CEMIP2: variants seen among roughly 807,000 people sequenced by gnomAD.
CEMIP2 encodes cell surface hyaluronidase CEMIP2.
Under a neutral mutation model 146.9 loss-of-function variants are expected in CEMIP2, and 79 were observed. The ratio of observed to expected loss-of-function variants is 0.54; its 90% CI spans 0.45 to 0.65. The LOEUF is 0.65. Ranked by LOEUF, CEMIP2 falls within the 30% of genes least tolerant of loss-of-function variation. CEMIP2 has a pLI of 0.00. For synonymous variants in CEMIP2, 601 were observed against 606.3 expected (o/e 0.99, Z 0.13); for missense variants, 1,596 against 1,696.2 (o/e 0.94, Z 1.04).
intron 20 of CEMIP2, among the ~76,000 whole-genome samples, chr9:71,694,873 CTTTATA>C (rs972460538): frequency 7.2e-5 from 11 of 152,164 alleles, no homozygotes; most frequent in African/African-American, 2.6e-4. Context: ...AATAAATGTG[CTTTATA>C]TTTATATTTA....
Position 71,683,378 on chromosome 9 carries a change from A to C in CEMIP2, c.*1819T>G, listed in dbSNP as rs1010410158. The C allele has an allele frequency of 6.6e-6, 1 of 152,296 alleles. No homozygotes were observed. The highest frequency in any genetic ancestry group is 6.6e-5 in the Admixed American group (1 of 15,202). 9.4% of individuals were successfully genotyped at this position (152,296 alleles called of 1,614,324 possible). Reference sequence around the variant, plus strand: ...ATACACACATATATAAAATACATGCACACATATTTTTATTTAACTTAGGCC... The same window carrying C: ...ATACACACATATATAAAATACATGCCCACATATTTTTATTTAACTTAGGCC... On this transcript the variant is annotated 3_prime_UTR_variant, in exon 24 of 24. Coordinates refer to ENST00000377044, the MANE Select transcript of CEMIP2 (RefSeq NM_013390.3).
intron 21 of CEMIP2, among the ~76,000 whole-genome samples, chr9:71,693,186 T>A (rs542095951): frequency 1.3e-5 from 2 of 152,370 alleles, no homozygotes; most frequent in South Asian, 4.1e-4. Context: ...TTTGTGATTA[T>A]GTTGCCCACC....
intron 17 of CEMIP2, 112 bp downstream of exon 17, chr9:71,709,147 A>T (rs996536324): frequency 4.2e-6 from 4 of 962,716 alleles, no homozygotes; most frequent in Middle Eastern, 2.6e-4. Flanking sequence ...AGGAAGATAG[A>T]TCATACTTTG....
intron 18 of CEMIP2, among the ~76,000 whole-genome samples, chr9:71,703,316 G>A (rs765271589): frequency 6.6e-6 from 1 of 152,204 alleles, no homozygotes; most frequent in Non-Finnish European, 1.5e-5. Flanking sequence ...GGGCTTGGTT[G>A]ACTGTGTGGG....
chr9:71,766,532 C>A (rs1450641186), intron 1 of CEMIP2, among the ~76,000 whole-genome samples: 1 of 152,178 alleles, frequency 6.6e-6, no homozygotes, highest in East Asian at 1.9e-4. Context: ...TTGAGGACAG[C>A]ATTGATTAGG....
At chr9:71,712,884 G>A (rs963672507) in intron 15 of CEMIP2, among the ~76,000 whole-genome samples, 4 of 152,032 alleles carry the variant, frequency 2.6e-5, no homozygotes, top group Non-Finnish European at 5.9e-5. Context: ...TTAATGTATA[G>A]GAACTGGTAA....
intron 12 of CEMIP2, among the ~76,000 whole-genome samples, chr9:71,721,342 CTTAAGT>C (rs1415271240): frequency 1.3e-5 from 2 of 151,904 alleles, no homozygotes; most frequent in Non-Finnish European, 2.9e-5. Flanking sequence ...CTTTTTTCTT[CTTAAGT>C]TTATCTCTTC....
chr9:71,743,172 G>A (rs1295397437), intron 4 of CEMIP2, among the ~76,000 whole-genome samples: 3 of 152,018 alleles, frequency 2.0e-5, no homozygotes, highest in South Asian at 4.2e-4. Flanking sequence ...TAACATTGTC[G>A]GCTTCCATTT....
chr9:71,769,378 A>G (rs747038646), upstream of CEMIP2, among the ~76,000 whole-genome samples: 1 of 152,226 alleles, frequency 6.6e-6, no homozygotes, highest in Non-Finnish European at 1.5e-5. Context: ...CTACCTGGCC[A>G]GGCGCGAGCG....
rs562790721 is a variant in CEMIP2, at chr9:71,739,527, G to T, written c.1204+536C>A. On this transcript the variant is annotated intron_variant, in intron 5 of 23. Coordinates refer to ENST00000377044, the MANE Select transcript of CEMIP2 (RefSeq NM_013390.3). ...GAGGCAAAGAAACAGCAGTCATCTT[G>T]GAGGCAGAAAGCTGGGGCTTGATTC... Among the ~76,000 whole-genome samples the T allele has an allele frequency of 7.2e-5, 11 of 152,064 alleles. No individual in the cohort carries two copies. The South Asian group carries it at 2.1e-3, about 29-fold the overall frequency.
intron 5 of CEMIP2, among the ~76,000 whole-genome samples, chr9:71,738,997 C>T (rs1823839437): frequency 6.6e-6 from 1 of 152,002 alleles, no homozygotes; most frequent in Non-Finnish European, 1.5e-5. Flanking sequence ...AATCCTGTCT[C>T]GGATTATCTC....
At chr9:71,714,059 T>C (rs1822980719) in intron 15 of CEMIP2, among the ~76,000 whole-genome samples, 1 of 152,136 alleles carries the variant, frequency 6.6e-6, no homozygotes. Context: ...CAGAAAATAG[T>C]ACAGCTCTCC....
chr9:71,717,048 T>G (rs1589141968), intron 13 of CEMIP2, among the ~76,000 whole-genome samples: 1 of 152,088 alleles, frequency 6.6e-6, no homozygotes, highest in South Asian at 2.1e-4. Context: ...GGCACATGCC[T>G]GTGGTCCCAG....
chr9:71,731,731 CAA>C (rs35175440), intron 7 of CEMIP2, among the ~76,000 whole-genome samples: 14 of 138,482 alleles, frequency 1.0e-4, no homozygotes, highest in Admixed American at 2.9e-4. Context: ...GACTGTATCT[CAA>C]AAAAAAAAAA....
chr9:71,722,556 C>T (rs369726480), intron 11 of CEMIP2, 41 bp from the exon 12 acceptor site: 150 of 1,405,116 alleles, frequency 1.1e-4, no homozygotes, highest in Admixed American at 1.4e-4. Context: ...ATATGAATCC[C>T]AACTTACAAC....
At chr9:71,691,267 G>T (rs747770578) in intron 21 of CEMIP2, among the ~76,000 whole-genome samples, 1 of 151,468 alleles carries the variant, frequency 6.6e-6, no homozygotes, top group South Asian at 2.1e-4. Flanking sequence ...TCTCTACTTA[G>T]AGATACACCG....
chr9:71,747,278 C>T (rs1211835972), intron 2 of CEMIP2, among the ~76,000 whole-genome samples: 1 of 152,160 alleles, frequency 6.6e-6, no homozygotes, highest in African/African-American at 2.4e-5. Context: ...ATAGAATCAG[C>T]TCACATTTCC....
At chr9:71,763,944 G>A (rs1391254478) in intron 1 of CEMIP2, among the ~76,000 whole-genome samples, 1 of 152,142 alleles carries the variant, frequency 6.6e-6, no homozygotes, top group African/African-American at 2.4e-5. Flanking sequence ...GCTGAACATA[G>A]TTCCTGACAA....
chr9:71,725,792 A>T, intron 10 of CEMIP2, 83 bp from the exon 11 acceptor site: 1 of 1,445,154 alleles, frequency 6.9e-7, no homozygotes, highest in Non-Finnish European at 9.2e-7. Flanking sequence ...CTTCTTCATC[A>T]GCAAGTTTAA....
Sources: allele counts gnomAD v4.1 joint callset (sites outside exome capture counted in the v4.1 genomes callset), GRCh38; gene constraint gnomAD v4.1.1; transcripts MANE v1.5; gene names NCBI Gene and HGNC (gene_info 2026-07-23, HGNC 2026-07-21).